SNTB2: variants seen among roughly 807,000 people sequenced by gnomAD.
SNTB2 encodes the protein syntrophin beta 2.
SNTB2 carries 34 observed loss-of-function variants against 46.2 expected under a neutral mutation model. The ratio of observed to expected loss-of-function variants is 0.74; its 90% confidence interval spans 0.56 to 0.98. The LOEUF is 0.98. Among genes scored for constraint, SNTB2 ranks in the 50% least tolerant of loss-of-function variants. SNTB2 has a pLI of 0.00. For missense variants in SNTB2, 603 were observed against 731.4 expected (o/e 0.82, Z 2.02); for synonymous variants, 290 against 312.6 (o/e 0.93, Z 0.76).
rs1403318231 is a variant in SNTB2 at position 69,264,050 on chromosome 16, G to A, written c.1005+3790G>A. ...CTGGGCTCAAGCGTTCCTCTCTCCC[G>A]CCTCCCAAAAGCTGGGATTACAGGC... On this transcript the variant is annotated intron_variant, in intron 3 of 6. Transcript: ENST00000336278. Among the ~76,000 whole-genome samples the A allele has an allele frequency of 4.0e-5, 6 of 151,528 alleles. No individual in the cohort carries two copies. The East Asian group carries it at 7.8e-4, about 20-fold the overall frequency.
chr16:69,290,311 A>G (rs1362601625), intron 5 of SNTB2, among the ~76,000 whole-genome samples: 1 of 152,194 alleles, frequency 6.6e-6, no homozygotes, highest in Non-Finnish European at 1.5e-5. Flanking sequence ...ATACTTTTAA[A>G]GGCTTATTTT....
At chr16:69,266,208 T>A (rs1964882010) in intron 3 of SNTB2, among the ~76,000 whole-genome samples, 1 of 151,912 alleles carries the variant, frequency 6.6e-6, no homozygotes, top group South Asian at 2.1e-4. Context: ...CTACTAAAAA[T>A]ACAAAATTAG....
chr16:69,240,818 T>C (rs937341922), intron 1 of SNTB2: 1 of 152,268 alleles, frequency 6.6e-6, no homozygotes, highest in Non-Finnish European at 1.5e-5. Flanking sequence ...TGCCCTATTA[T>C]GTATCCTTTT....
intron 4 of SNTB2, among the ~76,000 whole-genome samples, chr16:69,278,171 G>C (rs1964999724): frequency 6.6e-6 from 1 of 152,062 alleles, no homozygotes; most frequent in Non-Finnish European, 1.5e-5. Flanking sequence ...ATAAAAATGA[G>C]CTGGGCGTGG....
intron 1 of SNTB2, among the ~76,000 whole-genome samples, chr16:69,209,774 CTT>C (rs1964260173): frequency 1.3e-5 from 2 of 152,108 alleles, no homozygotes; most frequent in Non-Finnish European, 2.9e-5. Context: ...TGAGTTTAAA[CTT>C]ATATCTAATT....
chr16:69,251,400 A>G (rs992477714), intron 2 of SNTB2, among the ~76,000 whole-genome samples: 37 of 149,702 alleles, frequency 2.5e-4, no homozygotes, highest in African/African-American at 9.1e-4. Context: ...TAAAGGCCTC[A>G]GAAACATTTT....
At chr16:69,214,701 A>G (rs1490111026) in intron 1 of SNTB2, among the ~76,000 whole-genome samples, 2 of 141,104 alleles carry the variant, frequency 1.4e-5, no homozygotes, top group Admixed American at 1.4e-4. Context: ...TAATTTTGGT[A>G]TATTTAGTAG....
Position 69,187,457 on chromosome 16 carries a change from GGCGCCGC to G in SNTB2, c.292_298del (p.Ala98LeufsTer20). On this transcript the variant is annotated frameshift_variant, in exon 1 of 7. Transcript: ENST00000336278. LOFTEE classifies it high-confidence loss of function. Reference sequence around the variant, plus strand: ...GCGGCCTGGGGCCCCCGAGCCCGCCGGCGCCGCCTCGGGGCCCCGCGGGTGAGGCGGG... The same window carrying G: ...GCGGCCTGGGGCCCCCGAGCCCGCCGCTCGGGGCCCCGCGGGTGAGGCGGG... The G allele has an allele frequency of 8.5e-7, 1 of 1,178,852 alleles. No individual in the cohort carries two copies. The highest frequency in any genetic ancestry group is 1.1e-6 in the Non-Finnish European group (1 of 952,274). The allele number at this position is 1,178,852 out of a possible 1,614,324, so 73.0% of individuals were successfully genotyped here. A position where few individuals can be genotyped will look rare whatever the true frequency, so the allele number is the denominator to read the frequency against.
At chr16:69,226,720 G>A (rs549881950) in intron 1 of SNTB2, among the ~76,000 whole-genome samples, 1 of 151,958 alleles carries the variant, frequency 6.6e-6, no homozygotes, top group African/African-American at 2.4e-5. Context: ...TTGTAAAGAC[G>A]GGGTCTCGCT....
intron 1 of SNTB2, among the ~76,000 whole-genome samples, chr16:69,196,878 T>C (rs1964110723): frequency 6.6e-6 from 1 of 152,140 alleles, no homozygotes; most frequent in African/African-American, 2.4e-5. Flanking sequence ...GGTGGATCAG[T>C]TTGGGTTAAG....
At chr16:69,267,172 C>T (rs1245282529) in intron 3 of SNTB2, among the ~76,000 whole-genome samples, 2 of 152,044 alleles carry the variant, frequency 1.3e-5, no homozygotes, top group African/African-American at 2.4e-5. Flanking sequence ...GGACTACAGG[C>T]GCGTGCCACC....
At chr16:69,189,681 G>A (rs1008917034) in intron 1 of SNTB2, among the ~76,000 whole-genome samples, 2 of 152,322 alleles carry the variant, frequency 1.3e-5, no homozygotes, top group South Asian at 4.1e-4. Flanking sequence ...AGGCTGCAGT[G>A]AGCCAAGATC....
rs973132557 is a variant in SNTB2, at chr16:69,217,728, A to G, written c.581-27874A>G. On this transcript the variant is annotated intron_variant, in intron 1 of 6. Coordinates refer to ENST00000336278, the MANE Select transcript of SNTB2 (RefSeq NM_006750.4). ...GAGCAGATGACAAGGGTTTTTAGCC[A>G]TGGCTTTGCCGTAGGCTGGCTGTGA... is the stretch of plus-strand genomic sequence containing the variant. Among the ~76,000 whole-genome samples the G allele has an allele frequency of 2.0e-5, 3 of 152,176 alleles. 1 individual carries two copies. Among genetic ancestry groups the G allele is most frequent in the Admixed American group, 6.5e-5 (1 of 15,270 alleles).
chr16:69,265,843 A>AG (rs1379582838), intron 3 of SNTB2, among the ~76,000 whole-genome samples: 1 of 151,920 alleles, frequency 6.6e-6, no homozygotes, highest in East Asian at 1.9e-4. Flanking sequence ...AAAAAAAAAA[A>AG]AAAAAGAAAT....
intron 5 of SNTB2, among the ~76,000 whole-genome samples, chr16:69,294,559 A>G (rs1965204581): frequency 6.7e-6 from 1 of 150,102 alleles, no homozygotes; most frequent in Non-Finnish European, 1.5e-5. Flanking sequence ...CCCTATCTCT[A>G]CTGAAAAAAA....
rs1490482359 is a variant in SNTB2, at chr16:69,207,536, TAAG to T, written c.580+19793_580+19795del. On this transcript the variant is annotated intron_variant, in intron 1 of 6. Transcript: ENST00000336278. Reference sequence around the variant, plus strand: ...ACCAATTATAAAGTAGATAAGAAAATAAGAAAATTGACATTGTCGAGATTCAGT... The same window carrying T: ...ACCAATTATAAAGTAGATAAGAAAATAAAATTGACATTGTCGAGATTCAGT... Among the ~76,000 whole-genome samples the T allele has an allele frequency of 2.0e-5, 3 of 152,306 alleles. No individual in the cohort carries two copies. In the East Asian group the frequency reaches 5.8e-4, roughly 29 times the overall value.
At chr16:69,257,836 A>C (rs949612405) in intron 2 of SNTB2, among the ~76,000 whole-genome samples, 1 of 152,232 alleles carries the variant, frequency 6.6e-6, no homozygotes, top group Non-Finnish European at 1.5e-5. Context: ...AGATGGATAG[A>C]CTGGTAGGTA....
At chr16:69,214,816 C>T (rs1331395167) in intron 1 of SNTB2, among the ~76,000 whole-genome samples, 17 of 150,696 alleles carry the variant, frequency 1.1e-4, no homozygotes, top group Admixed American at 1.1e-3. Flanking sequence ...CGTGAGCCAC[C>T]GTGCCTGGCC....
chr16:69,288,681 CTAT>C (rs1965130272), intron 5 of SNTB2, among the ~76,000 whole-genome samples: 1 of 152,162 alleles, frequency 6.6e-6, no homozygotes, highest in South Asian at 2.1e-4. Context: ...AGCAATCCTA[CTAT>C]TGAGTATTTA....
Sources: allele counts gnomAD v4.1 joint callset (sites outside exome capture counted in the v4.1 genomes callset), GRCh38; gene constraint gnomAD v4.1.1; transcripts MANE v1.5; gene names NCBI Gene and HGNC (gene_info 2026-07-23, HGNC 2026-07-21).